The following IP6K2 variants were observed in gnomAD, a reference collection of about 807,000 sequenced individuals.
IP6K2 encodes the protein ATP:1D-myo-inositol-hexakisphosphate phosphotransferase.
In IP6K2, 9 loss-of-function variants were observed where a neutral mutation model predicts 43.3. The observed-to-expected ratio is 0.21, with a 90% CI of 0.13 to 0.36. The LOEUF (loss-of-function observed/expected upper bound fraction) is 0.36, where lower values mean the gene tolerates loss of function less well. IP6K2 is among the 10% of genes least tolerant of loss of function. The pLI, the probability that IP6K2 is intolerant of heterozygous loss-of-function variation, is 1.00. For synonymous variants in IP6K2, 209 were observed against 202.4 expected, an observed-to-expected ratio of 1.03 and a Z score of -0.28; for missense variants, 332 against 538.4, an observed-to-expected ratio of 0.62 and a Z score of 3.79.
At position 48,696,552 on chromosome 3, in the gene IP6K2, ATCAACGAAGCACAT is replaced by A. The variant is rs140243709; in HGVS notation, c.-130-1145_-130-1132del. On this transcript the variant is annotated intron_variant, in intron 1 of 5. Coordinates refer to ENST00000328631, the MANE Select transcript of IP6K2 (RefSeq NM_016291.4). ...CACTCAGCCATGCACTGGATGCCGC[ATCAACGAAGCACAT>A]TTTTGGATGCACCCTGTTAACCAGT... Among the ~76,000 whole-genome samples the A allele has an allele frequency of 6.1e-3, 922 of 152,340 alleles. 10 individuals carry two copies. The highest frequency in any genetic ancestry group is 0.021 in the African/African-American group (881 of 41,580).
Position 48,695,474 on chromosome 3 carries a change from C to T in IP6K2, c.-130-53G>A. Reference sequence around the variant, plus strand: ...GGGTTCGAAGTAGCGTGGGAAGTGCCTTAGAGCTGCTCACCCTGCTCCTTC... The same window carrying T: ...GGGTTCGAAGTAGCGTGGGAAGTGCTTTAGAGCTGCTCACCCTGCTCCTTC... On this transcript the variant is annotated intron_variant, in intron 1 of 5. Coordinates refer to ENST00000328631, the MANE Select transcript of IP6K2 (RefSeq NM_016291.4). The surrounding 1 kb of genome is among the most constrained non-coding windows in gnomAD (Gnocchi z 4.6). 7.4e-7 allele frequency: 1 copy of T among 1,354,982 alleles called. No individual in the cohort carries two copies. The allele number at this position is 1,354,982 out of a possible 1,614,324, so 83.9% of individuals were successfully genotyped here.
At chr3:48,700,211 T>C (rs1346675089) in intron 1 of IP6K2, among the ~76,000 whole-genome samples, 19 of 151,998 alleles carry the variant, frequency 1.3e-4, no homozygotes, top group Non-Finnish European at 2.9e-5. Context: ...ACAGCCCCTA[T>C]CTCTGCAAGG....
intron 3 of IP6K2, among the ~76,000 whole-genome samples, chr3:48,692,037 T>G (rs1046216118): frequency 6.6e-6 from 1 of 152,030 alleles, no homozygotes; most frequent in African/African-American, 2.4e-5. Context: ...TTCATCATAT[T>G]GGTCAGGCTG....
intron 1 of IP6K2, chr3:48,716,622 A>T (rs2081222059): frequency 6.7e-6 from 1 of 150,338 alleles, no homozygotes; most frequent in Non-Finnish European, 1.5e-5. Flanking sequence ...AGATTCCCTC[A>T]TCGAACACCA....
intron 1 of IP6K2, among the ~76,000 whole-genome samples, chr3:48,707,028 C>A (rs2079872283): frequency 6.6e-6 from 1 of 152,052 alleles, no homozygotes; most frequent in African/African-American, 2.4e-5. Flanking sequence ...TGTATAATTA[C>A]AAATTATGTA....
rs149446553 is a variant in IP6K2, at chr3:48,706,626, G to A, written c.-131+10531C>T. ...GCACTTTGGGAGGCAGATCACTTAA[G>A]CTCAAGAGTTCAAGACCAGCCTGAG... On this transcript the variant is annotated intron_variant, in intron 1 of 5. Transcript: ENST00000328631. Among the ~76,000 whole-genome samples the A allele has an allele frequency of 6.7e-3, 1,018 of 152,244 alleles. 8 individuals carry two copies. Among genetic ancestry groups the A allele is most frequent in the Non-Finnish European group, 1.0e-2 (680 of 68,014 alleles).
chr3:48,688,276 C>T lies in IP6K2; in HGVS notation c.1278G>A (p.Glu426=). ...AGTACTGGAGCAGCTAGCAAGCTCA[C>T]TCCCCACTCTCCTCACTTATCTCTG... ...IVTEISEESG[E] is the part of the protein sequence containing the mutation. Residue 426 remains glutamate, a synonymous_variant, in exon 6 of 6, where the codon GAG becomes GAA. Transcript: ENST00000328631. The surrounding 1 kb of genome is among the most constrained non-coding windows in gnomAD (Gnocchi z 5.1). 6.2e-7 allele frequency: 1 copy of T among 1,612,874 alleles called. No homozygotes were observed. Among genetic ancestry groups the T allele is most frequent in the Non-Finnish European group, 8.5e-7 (1 of 1,178,896 alleles).
At chr3:48,689,080 C>T (rs1363788965) in intron 5 of IP6K2, among the ~76,000 whole-genome samples, 2 of 152,232 alleles carry the variant, frequency 1.3e-5, no homozygotes, top group Non-Finnish European at 2.9e-5. Flanking sequence ...CCAACCAGAC[C>T]AATCTGAGAG....
intron 1 of IP6K2, among the ~76,000 whole-genome samples, chr3:48,709,859 A>T (rs1230500058): frequency 2.0e-5 from 3 of 149,178 alleles, no homozygotes; most frequent in Admixed American, 6.7e-5. Context: ...TTAATTAATT[A>T]AAAAAAAAAG....
chr3:48,698,668 TCG>T (rs1309762012), intron 1 of IP6K2, among the ~76,000 whole-genome samples: 1 of 152,192 alleles, frequency 6.6e-6, no homozygotes, highest in Non-Finnish European at 1.5e-5. Context: ...AGATGGGGTT[TCG>T]CCATGTTGGC....
At chr3:48,692,628 C>G (rs2077896791) in intron 3 of IP6K2, among the ~76,000 whole-genome samples, 1 of 152,238 alleles carries the variant, frequency 6.6e-6, no homozygotes, top group Non-Finnish European at 1.5e-5. Context: ...TCATCCCCCA[C>G]CACTGGTGAA....
chr3:48,706,885 G>C (rs2079857004), intron 1 of IP6K2, among the ~76,000 whole-genome samples: 1 of 152,062 alleles, frequency 6.6e-6, no homozygotes, highest in South Asian at 2.1e-4. Flanking sequence ...AAGTACTATA[G>C]AACTTTCTTC....
intron 1 of IP6K2, among the ~76,000 whole-genome samples, chr3:48,697,317 C>T (rs1030345768): frequency 9.9e-5 from 15 of 151,480 alleles, no homozygotes; most frequent in African/African-American, 3.6e-4. Context: ...CCGCGCCCGG[C>T]CAGTTGTTTT....
rs1003825033 is a variant in IP6K2 at position 48,692,917 on chromosome 3, C to T, written c.428+37G>A. On this transcript the variant is annotated intron_variant, in intron 3 of 5. Coordinates refer to ENST00000328631, the MANE Select transcript of IP6K2 (RefSeq NM_016291.4). The stretch of plus-strand genomic sequence containing the variant: ...AACCAAAACCCCCAACACTTCCCCT[C>T]CCACATAGCCCAGAGTTGCCCTCTG... 2.0e-6 allele frequency: 3 copies of T among 1,495,000 alleles called. No homozygotes were observed. In the African/African-American group the frequency reaches 4.2e-5, roughly 21 times the overall value. The allele number at this position is 1,495,000 out of a possible 1,614,324, so 92.6% of individuals were successfully genotyped here. A position where few individuals can be genotyped will look rare whatever the true frequency, so the allele number is the denominator to read the frequency against.
intron 4 of IP6K2, among the ~76,000 whole-genome samples, 195 bp from the exon 5 acceptor site, chr3:48,689,908 G>C (rs1253204546): frequency 1.3e-5 from 2 of 152,156 alleles, no homozygotes; most frequent in Non-Finnish European, 2.9e-5. Context: ...TCTTGTCAGG[G>C]AACTGACGTG....
intron 1 of IP6K2, chr3:48,699,509 T>C: frequency 6.6e-6 from 1 of 152,354 alleles, no homozygotes. Flanking sequence ...CTGGGCATGA[T>C]GTGCCACCTT....
intron 1 of IP6K2, among the ~76,000 whole-genome samples, chr3:48,705,087 G>A (rs751490230): frequency 3.3e-5 from 5 of 152,094 alleles, no homozygotes; most frequent in South Asian, 2.1e-4. Context: ...GTCTACAGGC[G>A]TCTGCCACCA....
At chr3:48,703,893 C>T (rs1238113034) in intron 1 of IP6K2, among the ~76,000 whole-genome samples, 1 of 151,918 alleles carries the variant, frequency 6.6e-6, no homozygotes, top group Non-Finnish European at 1.5e-5. Context: ...GAGTTCAAGA[C>T]CAGCCTAGCC....
intron 2 of IP6K2, chr3:48,694,160 T>C (rs766471836): frequency 1.3e-6 from 2 of 1,547,378 alleles, no homozygotes; most frequent in Non-Finnish European, 1.7e-6. Flanking sequence ...CAGGCCACAC[T>C]TCCCTGTGGC....
Sources: allele counts gnomAD v4.1 joint callset (sites outside exome capture counted in the v4.1 genomes callset), GRCh38; gene constraint gnomAD v4.1.1; non-coding constraint Gnocchi (gnomAD v3.1); transcripts MANE v1.5; gene names NCBI Gene and HGNC (gene_info 2026-07-23, HGNC 2026-07-21).